FAM186B: variants seen among roughly 807,000 people sequenced by gnomAD.
FAM186B encodes protein FAM186B.
A neutral mutation model predicts 83.4 loss-of-function variants in FAM186B; 68 were observed. The observed-to-expected ratio is 0.81, with a 90% CI of 0.67 to 1.00. FAM186B has a LOEUF of 1.00. Ranked by LOEUF, FAM186B falls within the 50% of genes least tolerant of loss-of-function variation. FAM186B has a pLI of 0.00. For missense variants in FAM186B, 983 were observed against 1,099.2 expected, an observed-to-expected ratio of 0.89 and a Z score of 1.49; for synonymous variants, 389 against 422.0, an observed-to-expected ratio of 0.92 and a Z score of 0.96.
chr12:49,622,103 G>A, the FAM186B span, among the ~76,000 whole-genome samples: 13 of 152,240 alleles, frequency 8.5e-5, no homozygotes, highest in Non-Finnish European at 1.6e-4. Context: ...TATACTTAGA[G>A]ATCTCAATAA....
chr12:49,589,779 G>C (rs983658119), intron 5 of FAM186B, among the ~76,000 whole-genome samples: 2 of 151,970 alleles, frequency 1.3e-5, no homozygotes, highest in African/African-American at 2.4e-5. Context: ...TCAAGAGATT[G>C]AGACCATCCT....
At chr12:49,598,974 G>C (rs770922378) in intron 4 of FAM186B, 27 bp from the exon 5 acceptor site, 29 of 1,608,364 alleles carry the variant, frequency 1.8e-5, no homozygotes, top group Non-Finnish European at 2.3e-5. Flanking sequence ...AGCAATTTAG[G>C]GGGTGGAGAG....
chr12:49,613,826 G>C, the FAM186B span, among the ~76,000 whole-genome samples: 1 of 149,802 alleles, frequency 6.7e-6, no homozygotes, highest in Non-Finnish European at 1.5e-5. Context: ...GTGACAGTGA[G>C]ACCTTGTCTC....
chr12:49,600,370 T>G lies in FAM186B; in HGVS notation c.1270A>C (p.Arg424=), dbSNP rs776700052. 70 of 1,614,078 alleles carry G rather than the reference T, an allele frequency of 4.3e-5. No individual in the cohort carries two copies. The highest frequency in any genetic ancestry group is 5.7e-5 in the Non-Finnish European group (67 of 1,180,052). The part of the protein sequence containing the change: ...EPVLLPLVDR[R]FPKKWERPVA... Reference sequence around the variant, plus strand: ...GGTCTTTCCCATTTCTTAGGAAACCTGCGATCTACTAAGGGTAAAAGCACA... The same window carrying G: ...GGTCTTTCCCATTTCTTAGGAAACCGGCGATCTACTAAGGGTAAAAGCACA... The change falls in exon 4 of 7, where the codon AGG becomes CGG. Residue 424 remains arginine (R), a synonymous_variant. Transcript: ENST00000257894. This position sits in a 1 kb window ranked among gnomAD's most constrained non-coding sequence, Gnocchi z 4.3.
chr12:49,600,316 T>G lies in FAM186B; in HGVS notation c.1324A>C (p.Lys442Gln), dbSNP rs564329811. 6.2e-7 allele frequency: 1 copy of G among 1,614,152 alleles called. No individual in the cohort carries two copies. The highest frequency in any genetic ancestry group is 2.2e-5 in the East Asian group (1 of 44,890). ...TTCTGGAAGTAGTCCTCCTGGTCTTTGTCTTTGTGGCCTAAGCTTTCTGCC... is the reference window on the plus strand; with the variant it reads ...TTCTGGAAGTAGTCCTCCTGGTCTTGGTCTTTGTGGCCTAAGCTTTCTGCC... ...PVAESLGHKD[K>Q]DQEDYFQKGG... Residue 442 changes from lysine to glutamine, a missense_variant, in exon 4 of 7, where the codon AAA (lysine) becomes CAA (glutamine). By Grantham distance (53) the Lys-to-Gln change is moderately conservative. Transcript: ENST00000257894. The surrounding 1 kb of genome is among the most constrained non-coding windows in gnomAD (Gnocchi z 4.3).
chr12:49,587,898 A>G (rs1290244943), intron 6 of FAM186B, 146 bp from the exon 7 acceptor site: 1 of 898,674 alleles, frequency 1.1e-6, no homozygotes, highest in Non-Finnish European at 1.7e-6. Flanking sequence ...TCTCCCCTCC[A>G]ACACTGAGTC....
chr12:49,609,121 G>T (rs1311114357), upstream of FAM186B, among the ~76,000 whole-genome samples: 1 of 152,166 alleles, frequency 6.6e-6, no homozygotes, highest in Non-Finnish European at 1.5e-5. Context: ...GCTCTTCCCT[G>T]TCACAGGACT....
At chr12:49,604,272 C>T (rs746204996) in intron 2 of FAM186B, 41 bp downstream of exon 2, 8 of 1,534,368 alleles carry the variant, frequency 5.2e-6, no homozygotes, top group South Asian at 3.4e-5. Flanking sequence ...CACCCACACT[C>T]CCCTCCCAGA....
downstream of FAM186B, chr12:49,584,565 C>T (rs904863974): frequency 2.6e-5 from 18 of 702,230 alleles, no homozygotes; most frequent in Non-Finnish European, 4.2e-5. Context: ...ACAAGCTAAG[C>T]GGATTCATTT....
At position 49,600,977 on chromosome 12, in the gene FAM186B, GT is replaced by G. The variant is rs1382105714; in HGVS notation, c.662del (p.Asp221AlafsTer27). 4.3e-6 allele frequency: 7 copies of G among 1,614,030 alleles called. No individual in the cohort carries two copies. The highest frequency in any genetic ancestry group is 5.9e-6 in the Non-Finnish European group (7 of 1,180,016). Reference sequence around the variant, plus strand: ...CCTCCCCCTTGCTGAACATGGTAGAGTCCAGGAGCTCCTGCAGCATGGACGT... The same window carrying G: ...CCTCCCCCTTGCTGAACATGGTAGAGCCAGGAGCTCCTGCAGCATGGACGT... Reference protein sequence around the residue: ...EVTSMLQELLDSTMFSKGEVR... With the variant: ...EVTSMLQELLXSTMFSKGEVR... On this transcript the variant is annotated frameshift_variant, in exon 4 of 7. Transcript: ENST00000257894. LOFTEE classifies it high-confidence loss of function. The surrounding 1 kb of genome is among the most constrained non-coding windows in gnomAD (Gnocchi z 4.3).
At chr12:49,614,848 G>A in the FAM186B span, among the ~76,000 whole-genome samples, 1 of 152,072 alleles carries the variant, frequency 6.6e-6, no homozygotes, top group Non-Finnish European at 1.5e-5. Flanking sequence ...CTACACACTG[G>A]GGCCGGGCGC....
rs749541895 is a variant in FAM186B, at chr12:49,599,623, G to T, written c.2017C>A (p.Leu673Met). The T allele has an allele frequency of 6.2e-7, 1 of 1,610,352 alleles. No homozygotes were observed. The highest frequency in any genetic ancestry group is 1.1e-5 in the South Asian group (1 of 90,550). ...TCAGACTCCTCACTCAGGAGCTGCAGGTTCTTCCTCTGGGCCTCCATGTCC... is the reference window on the plus strand; with the variant it reads ...TCAGACTCCTCACTCAGGAGCTGCATGTTCTTCCTCTGGGCCTCCATGTCC... ...HMDMEAQRKN[L>M]QLLSEESELR... Residue 673 changes from leucine to methionine, a missense_variant, in exon 4 of 7, where the codon CTG becomes ATG. Coordinates refer to ENST00000257894, the MANE Select transcript of FAM186B (RefSeq NM_032130.3).
chr12:49,607,981 TCAGCCACCGCACCCAGCTGAG>T, upstream of FAM186B, among the ~76,000 whole-genome samples: 2 of 151,668 alleles, frequency 1.3e-5, no homozygotes, highest in Non-Finnish European at 2.9e-5. Flanking sequence ...ATTACAGGCA[TCAGCCACCGCACCCAGCTGAG>T]GTTAGCATTA....
the FAM186B span, among the ~76,000 whole-genome samples, chr12:49,618,143 G>C: frequency 6.6e-6 from 1 of 152,126 alleles, no homozygotes; most frequent in African/African-American, 2.4e-5. Flanking sequence ...TCAGGAGATT[G>C]AGACCATCCT....
Position 49,600,959 on chromosome 12 carries a change from C to T in FAM186B, c.681G>A (p.Lys227=), listed in dbSNP as rs766594506. The T allele has an allele frequency of 3.7e-6, 6 of 1,613,996 alleles. No individual in the cohort carries two copies. In the Middle Eastern group the frequency reaches 4.9e-4, roughly 133 times the overall value. The stretch of plus-strand genomic sequence containing the variant: ...TGTACCTGATGGCCCTGACCTCCCC[C>T]TTGCTGAACATGGTAGAGTCCAGGA... ...QELLDSTMFS[K]GEVRAIRYMA... is the part of the protein sequence containing the mutation. The change falls in exon 4 of 7, where the codon AAG becomes AAA. Residue 227 remains lysine (K), a synonymous_variant. Transcript: ENST00000257894. This position sits in a 1 kb window ranked among gnomAD's most constrained non-coding sequence, Gnocchi z 4.3.
intron 3 of FAM186B, among the ~76,000 whole-genome samples, chr12:49,601,750 T>C (rs1370316339): frequency 6.6e-6 from 1 of 152,042 alleles, no homozygotes; most frequent in African/African-American, 2.4e-5. Context: ...TTAGCAGATC[T>C]CAATTTTTCA....
chr12:49,617,337 A>T, the FAM186B span, among the ~76,000 whole-genome samples: 5 of 152,150 alleles, frequency 3.3e-5, no homozygotes, highest in African/African-American at 1.2e-4. Context: ...TCGAGCCCAG[A>T]AGTTTGAGAC....
the FAM186B span, chr12:49,619,305 G>T: frequency 3.2e-6 from 1 of 310,278 alleles, no homozygotes; most frequent in Non-Finnish European, 5.8e-6. Flanking sequence ...GGGTTTTCTC[G>T]CTCTAGGGAG....
the FAM186B span, among the ~76,000 whole-genome samples, chr12:49,617,133 A>C: frequency 6.6e-6 from 1 of 152,194 alleles, no homozygotes; most frequent in Non-Finnish European, 1.5e-5. Flanking sequence ...TTCAAAGGCC[A>C]TAGTTTGGTG....
Sources: allele counts gnomAD v4.1 joint callset (sites outside exome capture counted in the v4.1 genomes callset), GRCh38; gene constraint gnomAD v4.1.1; non-coding constraint Gnocchi (gnomAD v3.1); transcripts MANE v1.5; gene names NCBI Gene and HGNC (gene_info 2026-07-23, HGNC 2026-07-21).